Variants in WIPF1 observed in about 807,000 individuals in gnomAD.
WIPF1 encodes WAS/WASL-interacting protein family member 1.
Under a neutral mutation model 35.4 loss-of-function variants are expected in WIPF1, and 13 were observed. That is an observed-to-expected ratio of 0.37 (90% CI 0.24 to 0.58). The LOEUF (loss-of-function observed/expected upper bound fraction) is 0.58, where lower values mean the gene tolerates loss of function less well. Ranked by LOEUF, WIPF1 falls within the 20% of genes least tolerant of loss-of-function variation. The pLI is 0.74. For synonymous variants in WIPF1, 267 were observed against 266.3 expected (o/e 1.00, Z -0.02); for missense variants, 591 against 667.0 (o/e 0.89, Z 1.25).
intron 1 of WIPF1, among the ~76,000 whole-genome samples, chr2:174,677,836 C>T (rs1688168429): frequency 6.6e-6 from 1 of 152,022 alleles, no homozygotes; most frequent in Non-Finnish European, 1.5e-5. Flanking sequence ...TAGCTGGAAC[C>T]CAGTATATGA....
intron 1 of WIPF1, among the ~76,000 whole-genome samples, chr2:174,596,658 C>T (rs1685830639): frequency 6.6e-6 from 1 of 151,994 alleles, no homozygotes; most frequent in Non-Finnish European, 1.5e-5. Flanking sequence ...GAGGCCGAGG[C>T]GGGCAGATCA....
intron 4 of WIPF1, chr2:174,574,717 T>C: frequency 1.6e-6 from 1 of 617,402 alleles, no homozygotes; most frequent in Non-Finnish European, 2.9e-6. Context: ...GGCACTGAAA[T>C]ACCAAATATC....
chr2:174,581,552 T>C (rs1251137759), intron 2 of WIPF1, 113 bp from the exon 3 acceptor site: 5 of 1,399,122 alleles, frequency 3.6e-6, no homozygotes, highest in Non-Finnish European at 4.8e-6. Context: ...TTCTTGGTGA[T>C]AGGTTGTAAA....
At chr2:174,659,807 A>G (rs969842747) in intron 1 of WIPF1, among the ~76,000 whole-genome samples, 1 of 152,198 alleles carries the variant, frequency 6.6e-6, no homozygotes, top group Non-Finnish European at 1.5e-5. Context: ...ATCTGCGTAT[A>G]GTAAGTTTAA....
intron 1 of WIPF1, among the ~76,000 whole-genome samples, chr2:174,589,936 G>C (rs1258183279): frequency 6.6e-6 from 1 of 152,146 alleles, no homozygotes; most frequent in Non-Finnish European, 1.5e-5. Context: ...GGGTCCCTTT[G>C]GGACTGGGAG....
chr2:174,634,077 C>A (rs985435832), intron 1 of WIPF1, among the ~76,000 whole-genome samples: 2 of 152,150 alleles, frequency 1.3e-5, no homozygotes, highest in Non-Finnish European at 2.9e-5. Flanking sequence ...AAACAACAAA[C>A]TTTTGCATAT....
intron 5 of WIPF1, among the ~76,000 whole-genome samples, chr2:174,570,241 C>T (rs1574788579): frequency 1.3e-5 from 2 of 152,054 alleles, no homozygotes; most frequent in East Asian, 3.9e-4. Context: ...TAATGAGATA[C>T]TGTTAAATAA....
intron 1 of WIPF1, among the ~76,000 whole-genome samples, chr2:174,588,628 T>A (rs565355155): frequency 6.6e-6 from 1 of 152,190 alleles, no homozygotes; most frequent in East Asian, 1.9e-4. Context: ...GCGTGTTAAC[T>A]TCATGGTCCA....
At chr2:174,586,750 T>A (rs956904659) in intron 1 of WIPF1, among the ~76,000 whole-genome samples, 21 of 152,168 alleles carry the variant, frequency 1.4e-4, no homozygotes, top group Admixed American at 1.4e-3. Flanking sequence ...CTACACAAAC[T>A]GTGGTCCTGG....
At chr2:174,586,062 A>T (rs1465621) in intron 1 of WIPF1, among the ~76,000 whole-genome samples, 17,436 of 152,196 alleles carry the variant, frequency 0.11, 1,227 homozygotes, top group African/African-American at 0.19. Flanking sequence ...GACATTCGCC[A>T]AGTCTGTGTG....
At chr2:174,565,620 C>T (rs1434479404) in intron 7 of WIPF1, among the ~76,000 whole-genome samples, 1 of 152,158 alleles carries the variant, frequency 6.6e-6, no homozygotes, top group Admixed American at 6.5e-5. Flanking sequence ...TATTAATCTC[C>T]TATAAGGTTT....
intron 1 of WIPF1, 29 bp from the exon 2 acceptor site, chr2:174,585,640 T>A: frequency 6.7e-7 from 1 of 1,484,192 alleles, no homozygotes; most frequent in Non-Finnish European, 9.4e-7. Flanking sequence ...GATCATGTAT[T>A]AGATGTAATC....
chr2:174,641,133 AC>A (rs1687285292), intron 1 of WIPF1, among the ~76,000 whole-genome samples: 1 of 152,228 alleles, frequency 6.6e-6, no homozygotes, highest in Non-Finnish European at 1.5e-5. Flanking sequence ...AGTGCCAAGA[AC>A]ACATACTGGG....
At chr2:174,652,800 A>C (rs551608294) in intron 1 of WIPF1, among the ~76,000 whole-genome samples, 68 of 151,994 alleles carry the variant, frequency 4.5e-4, no homozygotes, top group African/African-American at 1.4e-3. Context: ...TTAAAAAAAA[A>C]AAAAAAACAA....
At chr2:174,581,285 T>C in intron 3 of WIPF1, 25 bp downstream of exon 3, 1 of 1,613,274 alleles carries the variant, frequency 6.2e-7, no homozygotes, top group Non-Finnish European at 8.5e-7. Context: ...TTCCTCTCCA[T>C]GGTAGATAGC....
At chr2:174,581,995 T>C (rs185655895) in intron 2 of WIPF1, among the ~76,000 whole-genome samples, 13 of 152,328 alleles carry the variant, frequency 8.5e-5, no homozygotes, top group Non-Finnish European at 1.6e-4. Flanking sequence ...TTTATTAAGG[T>C]GTAATTTACA....
chr2:174,646,181 A>T (rs1360353445), intron 1 of WIPF1, among the ~76,000 whole-genome samples: 1 of 152,218 alleles, frequency 6.6e-6, no homozygotes, highest in East Asian at 1.9e-4. Context: ...TTGATTCAGA[A>T]TTTGTGTTTT....
chr2:174,645,206 G>T (rs574234779), intron 1 of WIPF1, among the ~76,000 whole-genome samples: 45 of 152,150 alleles, frequency 3.0e-4, no homozygotes, highest in Non-Finnish European at 5.6e-4. Context: ...AACCCTTTGA[G>T]TTAAATATTA....
At position 174,662,583 on chromosome 2, in the gene WIPF1, G is replaced by A. The variant is rs116005089; in HGVS notation, c.-39+20191C>T. Among the ~76,000 whole-genome samples the A allele has an allele frequency of 6.7e-3, 1,018 of 152,342 alleles. 13 individuals carry two copies. The highest frequency in any genetic ancestry group is 0.024 in the African/African-American group (988 of 41,582). On this transcript the variant is annotated intron_variant, in intron 1 of 8. Coordinates refer to the WIPF1 transcript ENST00000272746. ...TAATCTGAGCCCCCTGAAATAGGGT[G>A]GCCAGACACGTGAGTTTCTAGTAAG... is the stretch of plus-strand genomic sequence containing the variant.
Sources: gnomAD v4.1 joint callset for allele counts (sites outside exome capture counted in the v4.1 genomes callset) on GRCh38, gnomAD v4.1.1 for gene constraint, MANE v1.5 for transcripts, NCBI Gene and HGNC (gene_info 2026-07-23, HGNC 2026-07-21) for gene names.